The following DGKB variants were observed in gnomAD, a reference collection of about 807,000 sequenced individuals.
The protein encoded by DGKB is diacylglycerol kinase beta.
DGKB carries 67 observed loss-of-function variants against 114.3 expected under a neutral mutation model. The observed-to-expected ratio is 0.59, with a 90% CI of 0.48 to 0.72. The LOEUF (loss-of-function observed/expected upper bound fraction) is 0.72. Among genes scored for constraint, DGKB ranks in the 30% least tolerant of loss-of-function variants. The probability of loss-of-function intolerance (pLI) is 0.00; values close to 1 mark genes in which losing one functional copy is unlikely to be tolerated. For synonymous variants in DGKB, 398 were observed against 323.1 expected, an observed-to-expected ratio of 1.23 and a Z score of -2.49; for missense variants, 907 against 975.2, an observed-to-expected ratio of 0.93 and a Z score of 0.93.
intron 13 of DGKB, among the ~76,000 whole-genome samples, chr7:14,652,683 CA>C (rs1195646762): frequency 6.7e-6 from 1 of 149,154 alleles, no homozygotes; most frequent in African/African-American, 2.5e-5. Flanking sequence ...TTCTGCACAG[CA>C]AAAGAAACTA....
intron 1 of DGKB, among the ~76,000 whole-genome samples, chr7:14,895,688 G>GA (rs1231757716): frequency 6.6e-6 from 1 of 151,542 alleles, no homozygotes; most frequent in African/African-American, 2.4e-5. Context: ...GCCCGTCAAT[G>GA]ACTAAAGGAT....
At chr7:14,368,147 G>A (rs1187655334) in intron 21 of DGKB, among the ~76,000 whole-genome samples, 1 of 148,774 alleles carries the variant, frequency 6.7e-6, no homozygotes. Context: ...CCCCACATAT[G>A]CACAGTCCCC....
chr7:14,495,818 A>G (rs767162572), intron 20 of DGKB, among the ~76,000 whole-genome samples: 53 of 151,860 alleles, frequency 3.5e-4, no homozygotes, highest in Non-Finnish European at 6.5e-4. Flanking sequence ...GAAAACAATA[A>G]AGCTTAGTAT....
intron 2 of DGKB, among the ~76,000 whole-genome samples, chr7:14,758,060 T>C (rs1835148046): frequency 6.6e-6 from 1 of 152,154 alleles, no homozygotes; most frequent in African/African-American, 2.4e-5. Flanking sequence ...TTTCTCTGTA[T>C]ACATAACACA....
intron 21 of DGKB, among the ~76,000 whole-genome samples, chr7:14,372,351 G>T (rs189524810): frequency 4.7e-4 from 71 of 152,154 alleles, no homozygotes; most frequent in African/African-American, 1.6e-3. Flanking sequence ...GTACTATCCT[G>T]CTACCTCCAA....
chr7:14,158,123 T>G (rs1384844295), intron 25 of DGKB, among the ~76,000 whole-genome samples: 1 of 152,224 alleles, frequency 6.6e-6, no homozygotes, highest in Non-Finnish European at 1.5e-5. Flanking sequence ...AGCACCTACT[T>G]TGAAAGACCA....
rs368428585 is a variant in DGKB at position 14,773,658 on chromosome 7, A to C, written c.71-15927T>G. 6.6e-5 allele frequency among the ~76,000 whole-genome samples: 10 copies of C among 152,218 alleles called. No individual in the cohort carries two copies. The South Asian group carries it at 2.1e-3, about 32-fold the overall frequency. On this transcript the variant is annotated intron_variant, in intron 2 of 25. Transcript: ENST00000402815. The stretch of plus-strand genomic sequence containing the variant: ...TCTTCACATATATAGTAATATAATC[A>C]ACAATGAGGGGCACAAAAACACATG...
chr7:14,199,665 G>A (rs1225735488), intron 23 of DGKB, among the ~76,000 whole-genome samples: 5 of 152,034 alleles, frequency 3.3e-5, no homozygotes, highest in African/African-American at 1.2e-4. Flanking sequence ...GATTCAATTA[G>A]TAAGTAGAAC....
At chr7:14,898,393 A>G (rs1172669007) in intron 1 of DGKB, among the ~76,000 whole-genome samples, 1 of 152,056 alleles carries the variant, frequency 6.6e-6, no homozygotes, top group Non-Finnish European at 1.5e-5. Flanking sequence ...CCCCGGCTCT[A>G]TTCCTACCAG....
intron 2 of DGKB, among the ~76,000 whole-genome samples, chr7:14,771,069 A>G (rs1220439030): frequency 6.6e-6 from 1 of 152,044 alleles, no homozygotes; most frequent in African/African-American, 2.4e-5. Context: ...GAACTCCCCA[A>G]ATCTCTTTGA....
chr7:14,307,903 T>C (rs1804748244), intron 23 of DGKB, among the ~76,000 whole-genome samples: 1 of 152,154 alleles, frequency 6.6e-6, no homozygotes, highest in Non-Finnish European at 1.5e-5. Flanking sequence ...CCAGCTCACA[T>C]GTGTCAATGA....
chr7:14,250,340 T>C (rs1795047325), intron 23 of DGKB, among the ~76,000 whole-genome samples: 1 of 152,014 alleles, frequency 6.6e-6, no homozygotes, highest in Non-Finnish European at 1.5e-5. Flanking sequence ...TGGGTTTCAG[T>C]AGGTTTTGTT....
At chr7:14,856,457 T>A (rs1399892409) in intron 1 of DGKB, among the ~76,000 whole-genome samples, 3 of 152,172 alleles carry the variant, frequency 2.0e-5, no homozygotes, top group Non-Finnish European at 4.4e-5. Flanking sequence ...ATGCTTCTTT[T>A]ATTCTTTTAC....
At chr7:14,485,301 GT>G (rs1438589471) in intron 20 of DGKB, among the ~76,000 whole-genome samples, 66 of 36,342 alleles carry the variant, frequency 1.8e-3, no homozygotes, top group African/African-American at 7.9e-3. Context: ...TGCTCATGAG[GT>G]GTGTGTGTGT....
chr7:14,781,269 G>A (rs149828684), intron 2 of DGKB, among the ~76,000 whole-genome samples: 1 of 152,288 alleles, frequency 6.6e-6, no homozygotes, highest in East Asian at 1.9e-4. Context: ...ACTCCTACAT[G>A]GGATTTGCTT....
chr7:14,697,759 A>AGAAG (rs1824249067), intron 8 of DGKB, among the ~76,000 whole-genome samples: 2 of 145,520 alleles, frequency 1.4e-5, no homozygotes, highest in African/African-American at 5.5e-5. Flanking sequence ...AAAGAAAGAA[A>AGAAG]GAAAGAAAGA....
chr7:14,349,592 T>C (rs1813094546), intron 21 of DGKB, among the ~76,000 whole-genome samples: 1 of 152,148 alleles, frequency 6.6e-6, no homozygotes, highest in African/African-American at 2.4e-5. Context: ...GCATTACTGC[T>C]CATGTGCAAA....
intron 23 of DGKB, among the ~76,000 whole-genome samples, chr7:14,200,443 A>G (rs1414325439): frequency 6.6e-6 from 1 of 152,000 alleles, no homozygotes; most frequent in Non-Finnish European, 1.5e-5. Context: ...CACATTACCC[A>G]CAAAAGCCGT....
chr7:14,393,935 CA>C (rs1275132523), intron 21 of DGKB, among the ~76,000 whole-genome samples: 1 of 151,724 alleles, frequency 6.6e-6, no homozygotes, highest in Non-Finnish European at 1.5e-5. Flanking sequence ...GACACAGATC[CA>C]ATCTGAGGGG....
Sources: gnomAD v4.1 joint callset for allele counts (sites outside exome capture counted in the v4.1 genomes callset) on GRCh38, gnomAD v4.1.1 for gene constraint, MANE v1.5 for transcripts, NCBI Gene and HGNC (gene_info 2026-07-23, HGNC 2026-07-21) for gene names.